Variants in LEF1 observed in about 807,000 individuals in gnomAD.
LEF1 encodes the protein lymphoid enhancer binding factor 1, also known as lymphoid enhancer-binding factor 1.
LEF1 carries 14 observed loss-of-function variants against 51.2 expected under a neutral mutation model. The observed-to-expected ratio is 0.27, with a 90% CI of 0.18 to 0.43. The LOEUF is 0.43. Ranked by LOEUF, LEF1 falls within the 20% of genes least tolerant of loss-of-function variation. The pLI is 1.00. For missense variants in LEF1, 386 were observed against 512.0 expected (o/e 0.75, Z 2.37); for synonymous variants, 185 against 183.2 (o/e 1.01, Z -0.08).
At chr4:108,132,658 C>CTT (rs1560813326) in intron 3 of LEF1, among the ~76,000 whole-genome samples, 1 of 35,718 alleles carries the variant, frequency 2.8e-5, no homozygotes, top group Non-Finnish European at 6.5e-5. Context: ...CGAAAATCTG[C>CTT]CTTTTTTTTT....
chr4:108,089,056 A>C, intron 4 of LEF1, 69 bp downstream of exon 4: 1 of 1,585,108 alleles, frequency 6.3e-7, no homozygotes, highest in Non-Finnish European at 8.7e-7. Flanking sequence ...CTGGAAGGTC[A>C]CTCAGGCTGA....
intron 3 of LEF1, among the ~76,000 whole-genome samples, chr4:108,100,273 A>G (rs1740737119): frequency 6.6e-6 from 1 of 152,174 alleles, no homozygotes; most frequent in Non-Finnish European, 1.5e-5. Flanking sequence ...AGAAGAGAAC[A>G]TTTTCCCTGA....
rs775515304 is a variant in LEF1 at position 108,070,666 on chromosome 4, A to G, written c.1113T>C (p.Asn371=). ...CTGGTATGGAGGAGGGGCTTACATA[A>G]TTGTCTCTTGCAGACCAGCCTGGAT... is the stretch of plus-strand genomic sequence containing the variant. ...QLYPGWSARD[N]YGKKKKRKRE... Residue 371 remains asparagine, a synonymous_variant, in exon 9 of 12, where the codon AAT becomes AAC. Transcript: ENST00000265165. 3.2e-5 allele frequency: 52 copies of G among 1,608,138 alleles called. No homozygotes were observed. Among genetic ancestry groups the G allele is most frequent in the Non-Finnish European group, 4.3e-5 (51 of 1,174,878 alleles).
intron 3 of LEF1, among the ~76,000 whole-genome samples, chr4:108,104,243 G>A (rs561800154): frequency 6.6e-6 from 1 of 151,894 alleles, no homozygotes; most frequent in Admixed American, 6.6e-5. Flanking sequence ...GGGTTGCCAG[G>A]GGCTAAGTGG....
chr4:108,135,002 TCCAAAAA>T (rs1411965435), intron 3 of LEF1, among the ~76,000 whole-genome samples: 3 of 152,096 alleles, frequency 2.0e-5, no homozygotes, highest in Non-Finnish European at 1.5e-5. Context: ...CATCACTAGG[TCCAAAAA>T]GACCCCAAAT....
intron 3 of LEF1, among the ~76,000 whole-genome samples, chr4:108,099,564 GTGTGTGTATATATATATATA>G (rs1740631304): frequency 1.7e-5 from 1 of 59,340 alleles, no homozygotes; most frequent in Non-Finnish European, 3.1e-5. Context: ...GTATGTGTGT[GTGTGTGTATATATATATATA>G]TATATATATA....
chr4:108,081,871 T>C (rs1739329842), intron 5 of LEF1, among the ~76,000 whole-genome samples: 1 of 152,082 alleles, frequency 6.6e-6, no homozygotes, highest in Non-Finnish European at 1.5e-5. Flanking sequence ...TTGAAAGAAA[T>C]CTCCCACCCT....
intron 3 of LEF1, among the ~76,000 whole-genome samples, chr4:108,153,447 GA>G (rs1744487189): frequency 6.6e-6 from 1 of 152,166 alleles, no homozygotes; most frequent in Non-Finnish European, 1.5e-5. Context: ...TAATAAAGCT[GA>G]TATTACACTT....
Position 108,089,152 on chromosome 4 carries a change from T to C in LEF1, c.520A>G (p.Ile174Val), listed in dbSNP as rs760864275. Reference sequence around the variant, plus strand: ...TGTTTGGAGTTGACATCTGATGGGATGTGTGACGGGTGTGATCCTGGAGAA... The same window carrying C: ...TGTTTGGAGTTGACATCTGATGGGACGTGTGACGGGTGTGATCCTGGAGAA... ...HFSPGSHPSH[I>V]PSDVNSKQGM... Residue 174 changes from isoleucine to valine, a missense_variant, in exon 4 of 12, where the codon ATC (isoleucine) becomes GTC (valine). Physicochemically the swap from Ile to Val is conservative, Grantham distance 29. Around this residue, in one of 2 missense-constraint regions of LEF1, gnomAD observed 335 missense variants for 390.7 expected, o/e 0.86. Coordinates refer to ENST00000265165, the MANE Select transcript of LEF1 (RefSeq NM_016269.5). The C allele has an allele frequency of 1.1e-5, 18 of 1,613,982 alleles. No homozygotes were observed. Among genetic ancestry groups the C allele is most frequent in the Middle Eastern group, 3.3e-4 (2 of 6,048 alleles).
intron 3 of LEF1, among the ~76,000 whole-genome samples, chr4:108,161,991 C>A (rs1745087495): frequency 6.6e-6 from 1 of 152,114 alleles, no homozygotes; most frequent in Non-Finnish European, 1.5e-5. Context: ...AAAGAGATAT[C>A]TATATATTTG....
chr4:108,111,390 T>A (rs984826751), intron 3 of LEF1, among the ~76,000 whole-genome samples: 1 of 152,136 alleles, frequency 6.6e-6, no homozygotes, highest in African/African-American at 2.4e-5. Context: ...ATGAACTGCA[T>A]CATTGACTAA....
chr4:108,088,191 C>A (rs1195324346), intron 4 of LEF1, among the ~76,000 whole-genome samples: 1 of 152,164 alleles, frequency 6.6e-6, no homozygotes, highest in Non-Finnish European at 1.5e-5. Flanking sequence ...GAACACCCAG[C>A]CTCTATGCCA....
intron 3 of LEF1, among the ~76,000 whole-genome samples, chr4:108,123,011 G>A (rs573986363): frequency 6.6e-6 from 1 of 152,260 alleles, no homozygotes; most frequent in East Asian, 1.9e-4. Context: ...TTGGCTCATG[G>A]GGCCATGTTT....
chr4:108,076,057 C>A (rs1738836297), intron 8 of LEF1, among the ~76,000 whole-genome samples: 1 of 152,072 alleles, frequency 6.6e-6, no homozygotes, highest in Non-Finnish European at 1.5e-5. Context: ...GTTTCAGAGG[C>A]GGCACACACA....
chr4:108,122,311 T>TTTATCTGTTA (rs1371316102), intron 3 of LEF1, among the ~76,000 whole-genome samples: 1 of 152,206 alleles, frequency 6.6e-6, no homozygotes, highest in Non-Finnish European at 1.5e-5. Flanking sequence ...TATATCTTCC[T>TTTATCTGTTA]TTATCTGTTA....
intron 7 of LEF1, 122 bp downstream of exon 7, chr4:108,079,370 C>A: frequency 9.1e-7 from 1 of 1,093,864 alleles, no homozygotes; most frequent in Non-Finnish European, 1.4e-6. Context: ...GTTTTCAAGG[C>A]AGAGGTGCAT....
intron 1 of LEF1, chr4:108,166,859 C>T: frequency 1.0e-6 from 1 of 974,416 alleles, no homozygotes; most frequent in Non-Finnish European, 1.2e-6. Flanking sequence ...GCGGTACAGC[C>T]AGGGTGTACC....
chr4:108,164,925 A>AT (rs1370988053), intron 2 of LEF1, among the ~76,000 whole-genome samples, 172 bp downstream of exon 2: 4 of 152,180 alleles, frequency 2.6e-5, no homozygotes, highest in African/African-American at 4.8e-5. Flanking sequence ...AAATTATGTA[A>AT]TATATATTAG....
intron 3 of LEF1, among the ~76,000 whole-genome samples, chr4:108,149,624 T>TAC (rs1744239397): frequency 1.3e-5 from 2 of 148,148 alleles, no homozygotes; most frequent in Admixed American, 6.8e-5. Flanking sequence ...TATATACATG[T>TAC]GTATATATAT....
Sources: gnomAD v4.1 joint callset for allele counts (sites outside exome capture counted in the v4.1 genomes callset) on GRCh38, gnomAD v4.1.1 for gene constraint, gnomAD v4.1.1 regional missense constraint, MANE v1.5 for transcripts, NCBI Gene and HGNC (gene_info 2026-07-23, HGNC 2026-07-21) for gene names.